The following PCED1B variants were observed in gnomAD, a reference collection of about 807,000 sequenced individuals.
PCED1B encodes PC-esterase domain-containing protein 1B.
For missense variants in PCED1B, 573 were observed against 573.9 expected (o/e 1.00, Z 0.02); for synonymous variants, 251 against 246.1 (o/e 1.02, Z -0.19).
At position 47,163,242 on chromosome 12, in the gene PCED1B, A is replaced by G. The variant is rs140782102; in HGVS notation, c.-525-52980A>G. Among the ~76,000 whole-genome samples, 245 of 152,336 alleles carry G rather than the reference A, an allele frequency of 1.6e-3. 2 individuals carry two copies. The highest frequency in any genetic ancestry group is 4.0e-3 in the East Asian group (21 of 5,192). The stretch of plus-strand genomic sequence containing the variant: ...TTCATTTTTAGTGTATAGAAATGCA[A>G]CTGAATTTTGTGCATTGACTTTGTA... On this transcript the variant is annotated intron_variant, in intron 2 of 3. Transcript: ENST00000546455.
intron 3 of PCED1B, among the ~76,000 whole-genome samples, chr12:47,228,107 C>T (rs1188359923): frequency 1.3e-5 from 2 of 151,236 alleles, no homozygotes; most frequent in South Asian, 4.2e-4. Context: ...GATCTCAGCT[C>T]GCTGCAACCT....
chr12:47,155,224 G>A (rs1260737657), intron 2 of PCED1B, among the ~76,000 whole-genome samples: 2 of 152,176 alleles, frequency 1.3e-5, no homozygotes, highest in African/African-American at 4.8e-5. Flanking sequence ...AAAGTAAAAT[G>A]TTCCATATAC....
intron 2 of PCED1B, among the ~76,000 whole-genome samples, chr12:47,213,689 A>G (rs1943162730): frequency 6.6e-6 from 1 of 152,238 alleles, no homozygotes; most frequent in Non-Finnish European, 1.5e-5. Context: ...GTAAAACATT[A>G]TATGTGCATA....
At chr12:47,202,800 T>G (rs1942806593) in intron 2 of PCED1B, among the ~76,000 whole-genome samples, 1 of 151,918 alleles carries the variant, frequency 6.6e-6, no homozygotes, top group African/African-American at 2.4e-5. Context: ...CATGAAGTAA[T>G]CTACTAGAGC....
At chr12:47,220,063 T>A (rs1399823176) in intron 3 of PCED1B, among the ~76,000 whole-genome samples, 2 of 88,364 alleles carry the variant, frequency 2.3e-5, no homozygotes, top group Non-Finnish European at 4.6e-5. Context: ...AGGGAGACAC[T>A]GCCTCAAAAA....
intron 1 of PCED1B, among the ~76,000 whole-genome samples, chr12:47,101,075 A>G (rs1938684339): frequency 1.6e-5 from 2 of 123,320 alleles, no homozygotes; most frequent in Non-Finnish European, 3.7e-5. Context: ...TCTCAAAAAA[A>G]GAAAAAAAAA....
intron 2 of PCED1B, among the ~76,000 whole-genome samples, chr12:47,113,549 A>C (rs1369899316): frequency 6.6e-6 from 1 of 151,964 alleles, no homozygotes; most frequent in Non-Finnish European, 1.5e-5. Context: ...TTCTACCCCC[A>C]CCTCCCAAAA....
intron 2 of PCED1B, among the ~76,000 whole-genome samples, chr12:47,195,302 C>G (rs1942569807): frequency 6.7e-6 from 1 of 148,150 alleles, no homozygotes; most frequent in African/African-American, 2.5e-5. Flanking sequence ...GCACTCCAGC[C>G]TGGGCGATGG....
chr12:47,158,587 T>C (rs1207195095), intron 2 of PCED1B, among the ~76,000 whole-genome samples: 1 of 152,242 alleles, frequency 6.6e-6, no homozygotes, highest in Non-Finnish European at 1.5e-5. Flanking sequence ...AAATATTTTC[T>C]TCCATTCTGT....
chr12:47,160,271 C>CTTTCTT (rs1195340589), intron 2 of PCED1B, among the ~76,000 whole-genome samples: 3 of 123,684 alleles, frequency 2.4e-5, no homozygotes, highest in Non-Finnish European at 3.5e-5. Context: ...CTTTTCTTTT[C>CTTTCTT]TTTCTTTTTC....
intron 2 of PCED1B, among the ~76,000 whole-genome samples, chr12:47,168,195 C>T (rs1198382917): frequency 1.3e-5 from 2 of 152,140 alleles, no homozygotes; most frequent in Non-Finnish European, 2.9e-5. Flanking sequence ...CTATCTGGTC[C>T]TGGTGATTTT....
intron 2 of PCED1B, among the ~76,000 whole-genome samples, chr12:47,162,433 C>T (rs1217341923): frequency 6.6e-6 from 1 of 152,020 alleles, no homozygotes; most frequent in Non-Finnish European, 1.5e-5. Flanking sequence ...GCTCACAGTT[C>T]TGCAGTGTGT....
At chr12:47,206,367 A>C (rs1167701670) in intron 2 of PCED1B, 1 of 152,234 alleles carries the variant, frequency 6.6e-6, no homozygotes, top group Non-Finnish European at 1.5e-5. Flanking sequence ...AAGTTAGTTC[A>C]GCCTATGCCC....
At chr12:47,150,668 G>A (rs1012658907) in intron 2 of PCED1B, among the ~76,000 whole-genome samples, 1 of 151,988 alleles carries the variant, frequency 6.6e-6, no homozygotes, top group African/African-American at 2.4e-5. Flanking sequence ...ACATGGGGGA[G>A]AGCATTTCAA....
At chr12:47,090,455 G>C (rs1938214875) in intron 1 of PCED1B, among the ~76,000 whole-genome samples, 1 of 152,154 alleles carries the variant, frequency 6.6e-6, no homozygotes, top group Non-Finnish European at 1.5e-5. Context: ...CTGATGGAAT[G>C]CAAAATTCCA....
intron 2 of PCED1B, among the ~76,000 whole-genome samples, chr12:47,112,993 T>C (rs1044332838): frequency 1.3e-5 from 2 of 152,206 alleles, no homozygotes; most frequent in African/African-American, 4.8e-5. Flanking sequence ...TCCTTCACTC[T>C]TGTTAGGTTT....
At chr12:47,172,703 T>C (rs1941791252) in intron 2 of PCED1B, among the ~76,000 whole-genome samples, 1 of 152,172 alleles carries the variant, frequency 6.6e-6, no homozygotes, top group Non-Finnish European at 1.5e-5. Flanking sequence ...AGCTATGCCT[T>C]CCTCCAGATC....
At chr12:47,132,391 T>C (rs1044765791) in intron 2 of PCED1B, among the ~76,000 whole-genome samples, 1 of 152,140 alleles carries the variant, frequency 6.6e-6, no homozygotes, top group African/African-American at 2.4e-5. Flanking sequence ...AGTAAGGTTC[T>C]AATAAAATTT....
chr12:47,099,019 C>T (rs570720848), intron 1 of PCED1B, among the ~76,000 whole-genome samples: 1 of 152,246 alleles, frequency 6.6e-6, no homozygotes, highest in Non-Finnish European at 1.5e-5. Flanking sequence ...GAGTGAGATT[C>T]GATTCCCAGC....
Sources: gnomAD v4.1 joint callset for allele counts (sites outside exome capture counted in the v4.1 genomes callset) on GRCh38, gnomAD v4.1.1 for gene constraint, MANE v1.5 for transcripts, NCBI Gene and HGNC (gene_info 2026-07-23, HGNC 2026-07-21) for gene names.